Variants in TBC1D22A observed in about 807,000 individuals in gnomAD.
TBC1D22A encodes the protein putative GTPase activator.
A neutral mutation model predicts 60.2 loss-of-function variants in TBC1D22A; 38 were observed. The ratio of observed to expected loss-of-function variants is 0.63; its 90% CI spans 0.49 to 0.83. TBC1D22A has a LOEUF of 0.83. Ranked by LOEUF, TBC1D22A falls within the 40% of genes least tolerant of loss-of-function variation. TBC1D22A has a pLI of 0.00. For synonymous variants in TBC1D22A, 302 were observed against 281.7 expected (o/e 1.07, Z -0.72); for missense variants, 628 against 701.0 (o/e 0.90, Z 1.18).
At chr22:46,997,600 A>G (rs755989501) in intron 9 of TBC1D22A, 34 bp from the exon 10 acceptor site, 4 of 1,558,234 alleles carry the variant, frequency 2.6e-6, no homozygotes, top group African/African-American at 1.4e-5. Context: ...TTTATTTTAT[A>G]TGCATATGAT....
chr22:46,933,487 A>G (rs1349140578), intron 8 of TBC1D22A, among the ~76,000 whole-genome samples: 1 of 152,200 alleles, frequency 6.6e-6, no homozygotes, highest in African/African-American at 2.4e-5. Context: ...CTCTTGGCCA[A>G]CCCAGTGGGA....
intron 10 of TBC1D22A, among the ~76,000 whole-genome samples, chr22:47,007,612 G>A (rs2061632831): frequency 6.6e-6 from 1 of 151,986 alleles, no homozygotes; most frequent in South Asian, 2.1e-4. Flanking sequence ...GGTGAGGGCT[G>A]TCCCCTAGGG....
intron 8 of TBC1D22A, among the ~76,000 whole-genome samples, chr22:46,950,742 TGAAGAGGTA>T (rs2069612904): frequency 6.6e-6 from 1 of 152,194 alleles, no homozygotes; most frequent in Admixed American, 6.5e-5. Context: ...GAGGAGAATC[TGAAGAGGTA>T]GAGAGAGCGC....
At chr22:47,085,691 G>A (rs1201079260) in intron 11 of TBC1D22A, among the ~76,000 whole-genome samples, 1 of 152,002 alleles carries the variant, frequency 6.6e-6, no homozygotes, top group Non-Finnish European at 1.5e-5. Flanking sequence ...AAAACAGAAA[G>A]CCAAAATCTG....
chr22:46,975,511 G>C (rs917314185), intron 9 of TBC1D22A, among the ~76,000 whole-genome samples: 1 of 152,112 alleles, frequency 6.6e-6, no homozygotes, highest in African/African-American at 2.4e-5. Context: ...GGGGCCTCCC[G>C]GGAGGGTCTG....
At chr22:46,808,054 A>G (rs2085224413) in intron 4 of TBC1D22A, among the ~76,000 whole-genome samples, 1 of 152,216 alleles carries the variant, frequency 6.6e-6, no homozygotes, top group Admixed American at 6.5e-5. Context: ...AGAAATTTCT[A>G]ATGAACAGAA....
At chr22:47,043,793 G>T (rs2062928343) in intron 11 of TBC1D22A, among the ~76,000 whole-genome samples, 1 of 152,182 alleles carries the variant, frequency 6.6e-6, no homozygotes, top group Admixed American at 6.5e-5. Context: ...GAGGGCAGGG[G>T]GGCGCAGTGT....
intron 8 of TBC1D22A, among the ~76,000 whole-genome samples, chr22:46,952,042 C>G (rs115912739): frequency 6.6e-6 from 1 of 152,212 alleles, no homozygotes; most frequent in Non-Finnish European, 1.5e-5. Flanking sequence ...CTGAGCCCCA[C>G]AGCACAGGGC....
chr22:47,094,831 G>A (rs2092838), intron 11 of TBC1D22A, among the ~76,000 whole-genome samples: 152,142 of 152,180 alleles, frequency 1, 76,052 homozygotes, highest in Middle Eastern at 1. Flanking sequence ...AGCCCCCGAG[G>A]CTGTAGAGAG....
intron 8 of TBC1D22A, among the ~76,000 whole-genome samples, chr22:46,948,586 CTG>C (rs1166318291): frequency 6.6e-6 from 1 of 152,242 alleles, no homozygotes; most frequent in Non-Finnish European, 1.5e-5. Context: ...GTTGGTCTCT[CTG>C]TGTTCCGTGG....
intron 10 of TBC1D22A, among the ~76,000 whole-genome samples, chr22:47,013,141 T>C (rs953348831): frequency 2.6e-5 from 4 of 152,234 alleles, no homozygotes; most frequent in African/African-American, 9.6e-5. Context: ...TCCCAGTCGC[T>C]TCCTTCCCAG....
chr22:46,936,559 T>C (rs1207035505), intron 8 of TBC1D22A, among the ~76,000 whole-genome samples: 1 of 152,276 alleles, frequency 6.6e-6, no homozygotes, highest in Non-Finnish European at 1.5e-5. Context: ...CAAACAATTT[T>C]GGCGGACAGC....
intron 4 of TBC1D22A, among the ~76,000 whole-genome samples, chr22:46,823,828 A>T (rs1381389406): frequency 1.3e-5 from 2 of 152,182 alleles, no homozygotes; most frequent in East Asian, 3.9e-4. Flanking sequence ...AGGAGCCGGG[A>T]GTGCGGCCGT....
chr22:46,878,573 G>T (rs1165144328), intron 4 of TBC1D22A, 80 bp from the exon 5 acceptor site: 1 of 1,186,788 alleles, frequency 8.4e-7, no homozygotes. Flanking sequence ...AATTAAACAG[G>T]TGGAATGTGT....
Position 46,792,466 on chromosome 22 carries a change from G to T in TBC1D22A, c.63-54G>T, listed in dbSNP as rs1402444209. On this transcript the variant is annotated intron_variant, in intron 1 of 12. Transcript: ENST00000337137. ...CACCTTTCGGCTGAGCTGGTGGAGG[G>T]CTCTTGGGAAGGCAGGAGAGAGGCT... The T allele has an allele frequency of 3.1e-6, 5 of 1,612,346 alleles. No homozygotes were observed. The African/African-American group carries it at 6.7e-5, about 22-fold the overall frequency.
Position 46,981,862 on chromosome 22 carries a change from G to C in TBC1D22A, c.1125+7463G>C, listed in dbSNP as rs550308524. Among the ~76,000 whole-genome samples the C allele has an allele frequency of 6.6e-5, 10 of 152,300 alleles. No individual in the cohort carries two copies. The South Asian group carries it at 8.3e-4, about 13-fold the overall frequency. On this transcript the variant is annotated intron_variant, in intron 9 of 12. Coordinates refer to ENST00000337137, the MANE Select transcript of TBC1D22A (RefSeq NM_014346.5). ...GGGAGGACGTGTACTGCACAGTTTG[G>C]GCAAATGGACATACCTAGACCCCCA...
chr22:47,156,447 C>T (rs1009205957), intron 12 of TBC1D22A, among the ~76,000 whole-genome samples: 10 of 152,174 alleles, frequency 6.6e-5, no homozygotes, highest in African/African-American at 2.2e-4. Flanking sequence ...CCTGAGCTGT[C>T]GCTAGGCTTC....
chr22:46,914,975 G>T, intron 8 of TBC1D22A: 1 of 198,514 alleles, frequency 5.0e-6, no homozygotes, highest in African/African-American at 2.3e-5. Context: ...CATGTCTCGC[G>T]GGATGAGGAG....
intron 11 of TBC1D22A, among the ~76,000 whole-genome samples, chr22:47,050,690 G>A (rs745529573): frequency 2.0e-5 from 3 of 152,168 alleles, no homozygotes; most frequent in South Asian, 2.1e-4. Context: ...GGGATGGGTG[G>A]GGCCCGGAGT....
Sources: gnomAD v4.1 joint callset for allele counts (sites outside exome capture counted in the v4.1 genomes callset) on GRCh38, gnomAD v4.1.1 for gene constraint, MANE v1.5 for transcripts, NCBI Gene and HGNC (gene_info 2026-07-23, HGNC 2026-07-21) for gene names.